The following DACH2 variants were observed in gnomAD, a reference collection of about 807,000 sequenced individuals.
DACH2 encodes dachshund homolog 2.
In DACH2, 17 loss-of-function variants were observed where a neutral mutation model predicts 35.8. The observed-to-expected ratio is 0.48, with a 90% CI of 0.33 to 0.71. DACH2 has a LOEUF of 0.71. Ranked by LOEUF, DACH2 falls within the 30% of genes least tolerant of loss-of-function variation. The pLI, the probability that DACH2 is intolerant of heterozygous loss-of-function variation, is 0.02. For synonymous variants in DACH2, 195 were observed against 177.3 expected (o/e 1.10, Z -0.79); for missense variants, 469 against 472.7 (o/e 0.99, Z 0.07).
chrX:86,300,713 A>G (rs2034559783), intron 1 of DACH2, among the ~76,000 whole-genome samples: 1 of 112,153 alleles, frequency 8.9e-6, no homozygotes. Context: ...CCCAATAAAA[A>G]TAAGCAAAAA....
intron 2 of DACH2, among the ~76,000 whole-genome samples, chrX:86,471,864 A>G (rs901804565): frequency 4.5e-5 from 5 of 111,470 alleles, no homozygotes; most frequent in Non-Finnish European, 9.4e-5. Flanking sequence ...GAAAATTGCT[A>G]AGGGAGTAGA....
intron 11 of DACH2, chrX:86,831,158 G>T (rs2042608042): frequency 9.0e-6 from 1 of 111,042 alleles, no homozygotes; most frequent in Non-Finnish European, 1.9e-5. Context: ...TACACAGAAA[G>T]AATAAAGATT....
intron 7 of DACH2, among the ~76,000 whole-genome samples, chrX:86,777,475 G>A (rs368298276): frequency 9.0e-6 from 1 of 111,326 alleles, no homozygotes; most frequent in Non-Finnish European, 1.9e-5. Context: ...AAAATTTATT[G>A]GAAGACACAC....
chrX:86,155,258 A>G (rs1364725650), intron 1 of DACH2, among the ~76,000 whole-genome samples: 4 of 109,986 alleles, frequency 3.6e-5, no homozygotes, highest in African/African-American at 1.3e-4. Flanking sequence ...AGGATTTAAT[A>G]TTTTTTTTAG....
intron 1 of DACH2, among the ~76,000 whole-genome samples, chrX:86,303,610 C>T (rs1481795970): frequency 2.7e-5 from 3 of 110,447 alleles, no homozygotes; most frequent in African/African-American, 9.9e-5. Flanking sequence ...TTTAATATTT[C>T]TTTCTACCTT....
chrX:86,789,487 AAAACAAT>A (rs200824298), intron 7 of DACH2, among the ~76,000 whole-genome samples: 1,485 of 112,217 alleles, frequency 0.013, 9 homozygotes, highest in Non-Finnish European at 0.019. Context: ...AAAAATTCCA[AAAACAAT>A]AAATGGAGTC....
chrX:86,331,146 C>T (rs1193834326), intron 1 of DACH2, among the ~76,000 whole-genome samples: 2 of 111,459 alleles, frequency 1.8e-5, no homozygotes, highest in Non-Finnish European at 3.8e-5. Context: ...ACCCACTCAC[C>T]ATGGAGTTTG....
chrX:86,305,705 A>G (rs572651376), intron 1 of DACH2, among the ~76,000 whole-genome samples: 156 of 111,442 alleles, frequency 1.4e-3, no homozygotes, highest in African/African-American at 4.7e-3. Flanking sequence ...AGGAATATAT[A>G]TAACAAAATC....
At chrX:86,452,637 G>T (rs1043731914) in intron 2 of DACH2, among the ~76,000 whole-genome samples, 1 of 111,604 alleles carries the variant, frequency 9.0e-6, no homozygotes, top group African/African-American at 3.3e-5. Context: ...ATTCTGTGAT[G>T]GTTGTTTGCA....
chrX:86,355,672 G>A (rs771658056), intron 1 of DACH2, among the ~76,000 whole-genome samples: 1 of 111,447 alleles, frequency 9.0e-6, no homozygotes, highest in Non-Finnish European at 1.9e-5. Flanking sequence ...GGGACTACAG[G>A]TGCGGGCCAC....
intron 7 of DACH2, among the ~76,000 whole-genome samples, chrX:86,747,383 T>C (rs1462989346): frequency 2.7e-5 from 3 of 111,626 alleles, no homozygotes; most frequent in Non-Finnish European, 5.6e-5. Flanking sequence ...TTTTGTCGTT[T>C]TCAAACTATA....
At chrX:86,700,981 C>A (rs764161185) in intron 5 of DACH2, among the ~76,000 whole-genome samples, 1 of 111,731 alleles carries the variant, frequency 9.0e-6, no homozygotes, top group African/African-American at 3.3e-5. Flanking sequence ...GAGGAGGGAC[C>A]TTTCTAACTT....
At chrX:86,775,050 T>C (rs2042018526) in intron 7 of DACH2, among the ~76,000 whole-genome samples, 1 of 111,384 alleles carries the variant, frequency 9.0e-6, no homozygotes, top group African/African-American at 3.3e-5. Context: ...CTTTATAGTG[T>C]ATTTAGGAAC....
intron 2 of DACH2, among the ~76,000 whole-genome samples, chrX:86,461,135 G>A (rs1008304206): frequency 9.0e-6 from 1 of 111,558 alleles, no homozygotes; most frequent in African/African-American, 3.2e-5. Context: ...GAATTCCAGT[G>A]TAGTCTTTTA....
rs1328370529 is a variant in DACH2, at chrX:86,339,478, C to T, written c.489-37346C>T. On this transcript the variant is annotated intron_variant, in intron 1 of 11. Coordinates refer to ENST00000373125, the MANE Select transcript of DACH2 (RefSeq NM_053281.3). ...AACACATCCCTTACTATGTGGCGGG[C>T]ACAAACTTGAGCACTTTAATATATT... Among the ~76,000 whole-genome samples the T allele has an allele frequency of 4.5e-5, 5 of 111,610 alleles. No individual in the cohort carries two copies. The Admixed American group carries it at 4.8e-4, about 11-fold the overall frequency.
At chrX:86,264,922 A>G (rs1300062538) in intron 1 of DACH2, among the ~76,000 whole-genome samples, 2 of 111,020 alleles carry the variant, frequency 1.8e-5, no homozygotes, top group African/African-American at 6.5e-5. Flanking sequence ...TCTGTGGGAA[A>G]CATCCTTTAT....
chrX:86,232,871 A>G (rs890415455), intron 1 of DACH2, among the ~76,000 whole-genome samples: 3 of 112,240 alleles, frequency 2.7e-5, no homozygotes, highest in Non-Finnish European at 1.9e-5. Context: ...AAATTATTCG[A>G]TCATAAAGAC....
At chrX:86,529,149 A>G (rs1332373057) in intron 3 of DACH2, among the ~76,000 whole-genome samples, 1 of 111,670 alleles carries the variant, frequency 9.0e-6, no homozygotes, top group Non-Finnish European at 1.9e-5. Context: ...GGCTCAAGTG[A>G]TCTTCTCACT....
At chrX:86,219,262 T>G (rs2147921595) in intron 1 of DACH2, among the ~76,000 whole-genome samples, 1 of 111,977 alleles carries the variant, frequency 8.9e-6, no homozygotes, top group Non-Finnish European at 1.9e-5. Context: ...GAAATTTTTT[T>G]TTTCTATTAT....
Sources: gnomAD v4.1 joint callset for allele counts (sites outside exome capture counted in the v4.1 genomes callset) on GRCh38, gnomAD v4.1.1 for gene constraint, MANE v1.5 for transcripts, NCBI Gene and HGNC (gene_info 2026-07-23, HGNC 2026-07-21) for gene names.